Variants in SPATC1 observed in about 807,000 individuals in gnomAD.
SPATC1 encodes speriolin.
Under a neutral mutation model 36.5 loss-of-function variants are expected in SPATC1, and 35 were observed. That is an observed-to-expected ratio of 0.96 (90% CI 0.73 to 1.27). The LOEUF (loss-of-function observed/expected upper bound fraction) is 1.27, where lower values mean the gene tolerates loss of function less well. SPATC1 is among the 50% of genes most tolerant of loss of function. The pLI, the probability that SPATC1 is intolerant of heterozygous loss-of-function variation, is 0.00. For missense variants in SPATC1, 779 were observed against 796.0 expected (o/e 0.98, Z 0.26); for synonymous variants, 361 against 353.6 (o/e 1.02, Z -0.24).
intron 2 of SPATC1, 39 bp downstream of exon 2, chr8:144,040,502 G>A (rs782268181): frequency 1.3e-6 from 2 of 1,560,886 alleles, no homozygotes; most frequent in East Asian, 2.3e-5. Flanking sequence ...AGAGTGGGGG[G>A]GGGCAGAGCC....
chr8:144,040,859 G>A lies in SPATC1; in HGVS notation c.1058G>A (p.Ser353Asn), dbSNP rs1312282326. Residue 353 changes from serine (S) to asparagine (N), a missense_variant, in exon 3 of 5, where the codon AGC becomes AAC. By Grantham distance (46) the Ser-to-Asn change is conservative (BLOSUM62 1). Transcript: ENST00000377470. ...PQVATSYTPS[S>N]TTHIAQGAPH... is the part of the protein sequence containing the mutation. ...GTTGCCACCAGCTACACACCCTCAAGCACCACCCACATCGCCCAGGGTGCC... is the reference window on the plus strand; with the variant it reads ...GTTGCCACCAGCTACACACCCTCAAACACCACCCACATCGCCCAGGGTGCC... 2 of 1,558,590 alleles carry A rather than the reference G, an allele frequency of 1.3e-6. No homozygotes were observed. Among genetic ancestry groups the A allele is most frequent in the Non-Finnish European group, 1.7e-6 (2 of 1,153,794 alleles).
intron 1 of SPATC1, among the ~76,000 whole-genome samples, chr8:144,019,840 C>T (rs968285334): frequency 0.01 from 1,538 of 152,076 alleles, 96 homozygotes; most frequent in Admixed American, 0.094. Context: ...CACCACCCCT[C>T]CCTCACCCGA....
chr8:144,046,567 T>C lies in SPATC1; in HGVS notation c.1447-60T>C, dbSNP rs1835267191. On this transcript the variant is annotated intron_variant, in intron 4 of 4. Coordinates refer to ENST00000377470, the MANE Select transcript of SPATC1 (RefSeq NM_198572.3). The surrounding 1 kb of genome is among the most constrained non-coding windows in gnomAD (Gnocchi z 6.6). ...CTCACCTGCCCCTCGGTCTTCCCCTTACCTGCCTGTGTGTGGAGGTGTGGC... is the reference window on the plus strand; with the variant it reads ...CTCACCTGCCCCTCGGTCTTCCCCTCACCTGCCTGTGTGTGGAGGTGTGGC... 2 of 1,506,944 alleles carry C rather than the reference T, an allele frequency of 1.3e-6. No individual in the cohort carries two copies. The highest frequency in any genetic ancestry group is 1.8e-6 in the Non-Finnish European group (2 of 1,110,352). 93.3% of individuals were successfully genotyped at this position (1,506,944 alleles called of 1,614,324 possible).
chr8:144,015,827 G>A (rs143054394), intron 1 of SPATC1, among the ~76,000 whole-genome samples: 227 of 151,630 alleles, frequency 1.5e-3, no homozygotes, highest in African/African-American at 5.1e-3. Flanking sequence ...TTGGGAGGCC[G>A]AGGTGGAGGA....
chr8:144,041,866 T>C, intron 4 of SPATC1: 2 of 748,154 alleles, frequency 2.7e-6, no homozygotes, highest in Non-Finnish European at 3.3e-6. Flanking sequence ...TGCAGGCCTG[T>C]GTGTAGCCTA....
At position 144,046,873 on chromosome 8, in the gene SPATC1, G is replaced by A. The variant is rs527279030; in HGVS notation, c.1693G>A (p.Gly565Ser). 47 of 1,600,550 alleles carry A rather than the reference G, an allele frequency of 2.9e-5. 1 individual carries two copies. In the South Asian group the frequency reaches 3.1e-4, roughly 10 times the overall value. Residue 565 changes from glycine (G) to serine (S), a missense_variant, in exon 5 of 5, where the codon GGC becomes AGC. Physicochemically the swap from Gly to Ser is moderately conservative, Grantham distance 56 (BLOSUM62 0). Coordinates refer to ENST00000377470, the MANE Select transcript of SPATC1 (RefSeq NM_198572.3). The surrounding 1 kb of genome is among the most constrained non-coding windows in gnomAD (Gnocchi z 6.6). ...QRVVVETVHP[G>S]MLADALLLLS... ...TGTGGTGGTGGAGACCGTGCACCCC[G>A]GCATGCTCGCCGACGCGCTGCTGCT...
intron 1 of SPATC1, among the ~76,000 whole-genome samples, chr8:144,021,521 C>A: frequency 9.1e-6 from 1 of 110,334 alleles, no homozygotes; most frequent in Non-Finnish European, 2.0e-5. Context: ...CCTCTCCCCT[C>A]AGGGCCCTCT....
rs1251336489 is a variant in SPATC1 at position 144,022,445 on chromosome 8, C to G, written c.211+9719C>G. 2.4e-4 allele frequency among the ~76,000 whole-genome samples: 17 copies of G among 69,476 alleles called. 1 individual carries two copies. Among genetic ancestry groups the G allele is most frequent in the Non-Finnish European group, 3.1e-4 (10 of 32,106 alleles). 45.6% of individuals were successfully genotyped at this position (69,476 alleles called of 152,430 possible). On this transcript the variant is annotated intron_variant, in intron 1 of 4. Transcript: ENST00000377470. The stretch of plus-strand genomic sequence containing the variant: ...CCCTCTTACCTCAGAACCCTCTCAC[C>G]TCAGGACCCTCTGTCCAGAAGAACC...
rs1322370780 is a variant in SPATC1, at chr8:144,012,500, G to A, written c.-16G>A. The stretch of plus-strand genomic sequence containing the variant: ...GTGCCCTCCCGTGGGCCGCACCCTT[G>A]CCACTGCCCCAGGGCATGTCTCTAC... On this transcript the variant is annotated 5_prime_UTR_variant, in exon 1 of 5. Coordinates refer to ENST00000377470, the MANE Select transcript of SPATC1 (RefSeq NM_198572.3). The A allele has an allele frequency of 1.3e-6, 2 of 1,551,282 alleles. No homozygotes were observed. Among genetic ancestry groups the A allele is most frequent in the Non-Finnish European group, 1.7e-6 (2 of 1,146,588 alleles).
At chr8:144,035,843 A>G (rs1199163612) in intron 1 of SPATC1, among the ~76,000 whole-genome samples, 1 of 152,154 alleles carries the variant, frequency 6.6e-6, no homozygotes, top group Admixed American at 6.5e-5. Context: ...GCCTCTCCCC[A>G]GTCATCCTGG....
At chr8:144,012,789 C>G in intron 1 of SPATC1, 63 bp downstream of exon 1, 2 of 1,521,024 alleles carry the variant, frequency 1.3e-6, no homozygotes, top group Non-Finnish European at 1.8e-6. Flanking sequence ...AGAGGAGAGA[C>G]TCAGTGTGCT....
Position 144,025,710 on chromosome 8 carries a change from G to A in SPATC1, c.211+12984G>A, listed in dbSNP as rs927533385. On this transcript the variant is annotated intron_variant, in intron 1 of 4. Transcript: ENST00000377470. ...ACCCTGTTTCCTGACCAGGGACCTC[G>A]GTAAGGCAGCTGCTGAGATCTCATC... Among the ~76,000 whole-genome samples the A allele has an allele frequency of 1.2e-4, 19 of 152,202 alleles. No homozygotes were observed. In the East Asian group the frequency reaches 1.7e-3, roughly 14 times the overall value.
intron 1 of SPATC1, among the ~76,000 whole-genome samples, chr8:144,022,779 C>T (rs1834565467): frequency 6.7e-6 from 1 of 149,374 alleles, no homozygotes; most frequent in Non-Finnish European, 1.5e-5. Flanking sequence ...GCCCTCTTCC[C>T]TGAGGACCCA....
At chr8:144,042,613 C>T (rs1019905863) in intron 4 of SPATC1, among the ~76,000 whole-genome samples, 9 of 151,786 alleles carry the variant, frequency 5.9e-5, no homozygotes, top group African/African-American at 1.7e-4. Context: ...TGAGCCACCG[C>T]GCCCGGCCCC....
chr8:144,021,299 A>ACCCTCCCACCTCAGGC (rs1587493870), intron 1 of SPATC1, among the ~76,000 whole-genome samples: 17 of 149,790 alleles, frequency 1.1e-4, no homozygotes, highest in South Asian at 2.2e-4. Context: ...TCCCCTCAGG[A>ACCCTCCCACCTCAGGC]CCCTCTTCCC....
At chr8:144,035,795 A>C (rs1834886729) in intron 1 of SPATC1, among the ~76,000 whole-genome samples, 1 of 152,214 alleles carries the variant, frequency 6.6e-6, no homozygotes, top group Admixed American at 6.5e-5. Context: ...GGCGCTCCTT[A>C]GGCTGCCCTG....
chr8:144,020,274 C>G (rs1335537790), intron 1 of SPATC1, among the ~76,000 whole-genome samples: 1 of 150,610 alleles, frequency 6.6e-6, no homozygotes, highest in Non-Finnish European at 1.5e-5. Flanking sequence ...CGCTGAAGAA[C>G]CTCTCGCCTC....
intron 1 of SPATC1, among the ~76,000 whole-genome samples, chr8:144,026,053 A>G (rs1169137222): frequency 6.6e-5 from 10 of 152,148 alleles, no homozygotes; most frequent in African/African-American, 2.4e-4. Flanking sequence ...CATCACCCCA[A>G]AAAGAAACCT....
chr8:144,023,773 A>T (rs1834606454), intron 1 of SPATC1, among the ~76,000 whole-genome samples: 8 of 322 alleles, frequency 0.025, 4 homozygotes, highest in Admixed American at 0.16. Flanking sequence ...CCCTTTCCCT[A>T]AGGTCCCTCT....
Sources: gnomAD v4.1 joint callset for allele counts (sites outside exome capture counted in the v4.1 genomes callset) on GRCh38, gnomAD v4.1.1 for gene constraint, Gnocchi (gnomAD v3.1) non-coding constraint, MANE v1.5 for transcripts, NCBI Gene and HGNC (gene_info 2026-07-23, HGNC 2026-07-21) for gene names.